PHF6: variants seen among roughly 807,000 people sequenced by gnomAD.
PHF6 encodes PHD finger protein 6.
A neutral mutation model predicts 34.0 loss-of-function variants in PHF6; 7 were observed. The ratio of observed to expected loss-of-function variants is 0.21; its 90% CI spans 0.12 to 0.39. PHF6 has a LOEUF of 0.39. PHF6 is among the 10% of genes least tolerant of loss of function. The pLI, the probability that PHF6 is intolerant of heterozygous loss-of-function variation, is 1.00. For synonymous variants in PHF6, 89 were observed against 88.4 expected (o/e 1.01, Z -0.04); for missense variants, 128 against 262.8 (o/e 0.49, Z 3.55).
At chrX:134,385,338 A>G (rs915345510) in intron 3 of PHF6, among the ~76,000 whole-genome samples, 1 of 111,820 alleles carries the variant, frequency 8.9e-6, no homozygotes, top group Admixed American at 9.6e-5. Flanking sequence ...CATATAGCAT[A>G]ACACAATATG....
intron 3 of PHF6, among the ~76,000 whole-genome samples, chrX:134,389,060 T>A (rs2077342903): frequency 8.9e-6 from 1 of 111,916 alleles, no homozygotes; most frequent in Non-Finnish European, 1.9e-5. Flanking sequence ...CCAGTATCCC[T>A]AATTTGAAGC....
intron 5 of PHF6, among the ~76,000 whole-genome samples, chrX:134,406,060 CTTTTTCTT>C (rs1203241034): frequency 3.1e-5 from 2 of 65,378 alleles, no homozygotes; most frequent in Non-Finnish European, 6.1e-5. Context: ...TGTCCTTTTT[CTTTTTCTT>C]TCTTTCTTTC....
At chrX:134,399,348 A>G (rs1008880930) in intron 5 of PHF6, among the ~76,000 whole-genome samples, 7 of 111,393 alleles carry the variant, frequency 6.3e-5, no homozygotes, top group Non-Finnish European at 3.8e-5. Context: ...GTCAAAATCC[A>G]TAGAATGTAC....
At position 134,426,232 on chromosome X, in the gene PHF6, C is replaced by T; in HGVS notation, c.*572C>T. On this transcript the variant is annotated 3_prime_UTR_variant, in exon 11 of 11. Coordinates refer to ENST00000370803, the MANE Select transcript of PHF6 (RefSeq NM_001015877.2). ...TTGGTTCCTGTTAAAGTTGTTCTCACTGACCAGCATGGACTCAGGCAACTG... is the reference window on the plus strand; with the variant it reads ...TTGGTTCCTGTTAAAGTTGTTCTCATTGACCAGCATGGACTCAGGCAACTG... 6.2e-6 allele frequency: 1 copy of T among 161,120 alleles called. No homozygotes were observed. The highest frequency in any genetic ancestry group is 9.3e-5 in the East Asian group (1 of 10,803). The allele number at this position is 161,120 out of a possible 1,213,427, so 13.3% of individuals were successfully genotyped here. A position where few individuals can be genotyped will look rare whatever the true frequency, so the allele number is the denominator to read the frequency against.
At chrX:134,423,738 A>G (rs191076726) in intron 9 of PHF6, among the ~76,000 whole-genome samples, 1 of 111,826 alleles carries the variant, frequency 8.9e-6, no homozygotes, top group African/African-American at 3.2e-5. Context: ...TATTAGACCT[A>G]GTTTAGATAA....
intron 5 of PHF6, among the ~76,000 whole-genome samples, chrX:134,395,904 G>A (rs2077375279): frequency 8.9e-6 from 1 of 111,903 alleles, no homozygotes; most frequent in African/African-American, 3.2e-5. Context: ...CCTTAGTAGT[G>A]CTTTTCTTCT....
At chrX:134,383,357 C>T (rs1241551889) in intron 3 of PHF6, among the ~76,000 whole-genome samples, 4 of 111,397 alleles carry the variant, frequency 3.6e-5, no homozygotes, top group African/African-American at 1.3e-4. Context: ...TTGAGAAATT[C>T]ATCCTTCTGT....
chrX:134,402,203 C>T (rs2077405460), intron 5 of PHF6, among the ~76,000 whole-genome samples: 1 of 111,957 alleles, frequency 8.9e-6, no homozygotes, highest in African/African-American at 3.2e-5. Flanking sequence ...ACCATGTTGG[C>T]CAAGATGGTC....
intron 5 of PHF6, among the ~76,000 whole-genome samples, chrX:134,398,858 G>C (rs1194510795): frequency 2.7e-5 from 3 of 111,672 alleles, no homozygotes; most frequent in Non-Finnish European, 3.8e-5. Flanking sequence ...AGAAGCAGAT[G>C]GATTGATTAT....
Position 134,425,644 on chromosome X carries a change from T to A in PHF6, c.*1-17T>A, listed in dbSNP as rs1297673584. The A allele has an allele frequency of 4.0e-6, 1 of 251,525 alleles. No homozygotes were observed. Among genetic ancestry groups the A allele is most frequent in the Non-Finnish European group, 7.1e-6 (1 of 141,364 alleles). The allele number at this position is 251,525 out of a possible 1,213,427, so 20.7% of individuals were successfully genotyped here. A position where few individuals can be genotyped will look rare whatever the true frequency, so the allele number is the denominator to read the frequency against. ...TCAAGCATCATATTTTACATTTTTT[T>A]ATCATCTTTTAAACAGGTTCATGGG... On this transcript the variant is annotated splice_polypyrimidine_tract_variant and intron_variant, in intron 10 of 10. Coordinates refer to ENST00000370803, the MANE Select transcript of PHF6 (RefSeq NM_001015877.2).
Position 134,427,991 on chromosome X carries a change from G to A in PHF6, c.*2331G>A, listed in dbSNP as rs1036503327. The stretch of plus-strand genomic sequence containing the variant: ...CTGTACATCTCTTAAGTCCTTAACT[G>A]TAGTTTTAATAAGCATGACATTATT... On this transcript the variant is annotated 3_prime_UTR_variant, in exon 11 of 11. Coordinates refer to ENST00000370803, the MANE Select transcript of PHF6 (RefSeq NM_001015877.2). The A allele has an allele frequency of 3.9e-5, 6 of 153,544 alleles. No individual in the cohort carries two copies. The highest frequency in any genetic ancestry group is 7.6e-5 in the Non-Finnish European group (6 of 78,492). 12.7% of individuals were successfully genotyped at this position (153,544 alleles called of 1,213,427 possible).
rs779665171 is a variant in PHF6 at position 134,381,292 on chromosome X, T to G, written c.240+3186T>G. 3.6e-5 allele frequency among the ~76,000 whole-genome samples: 4 copies of G among 111,567 alleles called. No homozygotes were observed. The East Asian group carries it at 1.1e-3, about 31-fold the overall frequency. Reference sequence around the variant, plus strand: ...ACTCCTTTTAGCCTTCAGTTTTGCTTCTTTCATTATATCATTTTTACATGA... The same window carrying G: ...ACTCCTTTTAGCCTTCAGTTTTGCTGCTTTCATTATATCATTTTTACATGA... On this transcript the variant is annotated intron_variant, in intron 3 of 10. Coordinates refer to ENST00000370803, the MANE Select transcript of PHF6 (RefSeq NM_001015877.2).
chrX:134,379,400 G>T (rs987626083), intron 3 of PHF6, among the ~76,000 whole-genome samples: 8 of 86,160 alleles, frequency 9.3e-5, no homozygotes, highest in Admixed American at 1.3e-4. Flanking sequence ...AAGCTCTGGG[G>T]TTTTTTTTTC....
At position 134,410,955 on chromosome X, in the gene PHF6, CT is replaced by C. The variant is rs768638503; in HGVS notation, c.419-2521del. Among the ~76,000 whole-genome samples the C allele has an allele frequency of 4.1e-3, 375 of 90,504 alleles. 2 individuals carry two copies. Among genetic ancestry groups the C allele is most frequent in the African/African-American group, 8.9e-3 (222 of 24,853 alleles). 78.6% of individuals were successfully genotyped at this position (90,504 alleles called of 115,157 possible). On this transcript the variant is annotated intron_variant, in intron 5 of 10. Coordinates refer to ENST00000370803, the MANE Select transcript of PHF6 (RefSeq NM_001015877.2). ...TTATTGTTTGCCTTTTAACTTACCA[CT>C]TTTTTTTTTTTTTTGAGATGGAGTC...
intron 5 of PHF6, among the ~76,000 whole-genome samples, chrX:134,406,113 T>TCTTTCTTTCTTTCTTTC (rs1426712317): frequency 1.0e-5 from 1 of 98,764 alleles, no homozygotes; most frequent in Non-Finnish European, 2.1e-5. Context: ...TTTCTTTCTT[T>TCTTTCTTTCTTTCTTTC]TTTTTTTTAC....
rs1185571348 is a variant in PHF6, at chrX:134,426,481, C to A, written c.*821C>A. 1 of 162,381 alleles carries A rather than the reference C, an allele frequency of 6.2e-6. No individual in the cohort carries two copies. The highest frequency in any genetic ancestry group is 1.2e-5 in the Non-Finnish European group (1 of 83,590). The allele number at this position is 162,381 out of a possible 1,213,427, so 13.4% of individuals were successfully genotyped here. On this transcript the variant is annotated 3_prime_UTR_variant, in exon 11 of 11. Transcript: ENST00000370803. ...GTCCGAAACCTGTTCCTCTCAAGTG[C>A]CCTGTTGTGTGGAACACTTCACATA... is the stretch of plus-strand genomic sequence containing the variant.
At chrX:134,413,385 T>G (rs2077458875) in intron 5 of PHF6, 106 bp from the exon 6 acceptor site, 1 of 850,010 alleles carries the variant, frequency 1.2e-6, no homozygotes, top group Admixed American at 2.5e-5. Context: ...TCTCCTCATT[T>G]CTGGAGACAG....
intron 8 of PHF6, among the ~76,000 whole-genome samples, chrX:134,416,241 T>G (rs1602717144): frequency 9.0e-6 from 1 of 111,399 alleles, no homozygotes; most frequent in East Asian, 2.8e-4. Context: ...ATTACAGGCG[T>G]GAGCACCCGG....
rs2077510838 is a variant in PHF6, at chrX:134,427,378, CATT to C, written c.*1722_*1724del. The C allele has an allele frequency of 6.3e-6, 1 of 159,154 alleles. No homozygotes were observed. Among genetic ancestry groups the C allele is most frequent in the African/African-American group, 3.0e-5 (1 of 33,020 alleles). 13.1% of individuals were successfully genotyped at this position (159,154 alleles called of 1,213,427 possible). A position where few individuals can be genotyped will look rare whatever the true frequency, so the allele number is the denominator to read the frequency against. ...TCTTTCCTTACAACAGCTTGAAAAT[CATT>C]ATTTTAAAATCCTTAAATCACTGTG... On this transcript the variant is annotated 3_prime_UTR_variant, in exon 11 of 11. Transcript: ENST00000370803.
Sources: gnomAD v4.1 joint callset for allele counts (sites outside exome capture counted in the v4.1 genomes callset) on GRCh38, gnomAD v4.1.1 for gene constraint, MANE v1.5 for transcripts, NCBI Gene and HGNC (gene_info 2026-07-23, HGNC 2026-07-21) for gene names.